The following LYRM9 variants were observed in gnomAD, a reference collection of about 807,000 sequenced individuals.
LYRM9 encodes the protein LYR motif containing 9.
Under a neutral mutation model 12.6 loss-of-function variants are expected in LYRM9, and 14 were observed. That is an observed-to-expected ratio of 1.11 (90% CI 0.73 to 1.73). The LOEUF is 1.73. LYRM9 is among the 40% of genes most tolerant of loss of function. LYRM9 has a pLI of 0.00. For missense variants in LYRM9, 94 were observed against 95.0 expected (o/e 0.99, Z 0.04); for synonymous variants, 42 against 35.1 (o/e 1.20, Z -0.69).
chr17:27,888,630 G>C (rs918729222), intron 1 of LYRM9, among the ~76,000 whole-genome samples: 1 of 152,234 alleles, frequency 6.6e-6, no homozygotes, highest in African/African-American at 2.4e-5. Flanking sequence ...AGAGAGAAGA[G>C]TGAGGAAGAT....
intron 1 of LYRM9, among the ~76,000 whole-genome samples, chr17:27,889,092 G>A (rs553080934): frequency 4.6e-5 from 7 of 152,120 alleles, no homozygotes; most frequent in East Asian, 1.9e-4. Context: ...CTCAACACAC[G>A]TACCTTTATT....
rs777928267 is a variant in LYRM9 at position 27,882,686 on chromosome 17, C to T, written c.9G>A (p.Pro3=). The change falls in exon 2 of 4, where the codon CCG becomes CCA. Residue 3 remains proline (P), a synonymous_variant. Transcript: ENST00000379102. MA[P]LPGAELVRRP... ...TCCGAACCAGTTCTGCTCCTGGCAGCGGGGCCATCCGTGAGACCCTCTGTC... is the reference window on the plus strand; with the variant it reads ...TCCGAACCAGTTCTGCTCCTGGCAGTGGGGCCATCCGTGAGACCCTCTGTC... The T allele has an allele frequency of 1.1e-5, 17 of 1,600,608 alleles. No homozygotes were observed. The highest frequency in any genetic ancestry group is 4.5e-5 in the East Asian group (2 of 44,380).
chr17:27,881,961 G>A (rs866996363), intron 2 of LYRM9, among the ~76,000 whole-genome samples: 7 of 152,144 alleles, frequency 4.6e-5, no homozygotes, highest in Middle Eastern at 6.8e-3. Context: ...GTCTTTCTAT[G>A]TTGCCCAGGT....
chr17:27,885,289 C>T (rs1475827752), intron 1 of LYRM9, among the ~76,000 whole-genome samples: 1 of 152,188 alleles, frequency 6.6e-6, no homozygotes, highest in Non-Finnish European at 1.5e-5. Flanking sequence ...TAGCTCCTTC[C>T]CACTAAACTT....
intron 1 of LYRM9, among the ~76,000 whole-genome samples, chr17:27,888,201 C>T (rs1295176099): frequency 1.3e-5 from 2 of 152,212 alleles, no homozygotes; most frequent in Admixed American, 6.5e-5. Context: ...CTCTCTGCTT[C>T]CTGAATACCT....
chr17:27,889,727 GAAACAGTCACACCCCAGGT>G (rs1905364596), intron 1 of LYRM9, among the ~76,000 whole-genome samples: 1 of 152,156 alleles, frequency 6.6e-6, no homozygotes, highest in South Asian at 2.1e-4. Flanking sequence ...TAAGAGCACA[GAAACAGTCACACCCCAGGT>G]AAACACAGGG....
rs1328642521 is a variant in LYRM9 at position 27,879,325 on chromosome 17, G to A, written c.*148C>T. On this transcript the variant is annotated 3_prime_UTR_variant, in exon 4 of 4. Coordinates refer to ENST00000379102, the MANE Select transcript of LYRM9 (RefSeq NM_001076680.3). ...GCTAGCAACATGGCCGCGGCAAGAGGAGCCTCTGGAGCAAGGTCAGCTTCT... is the reference window on the plus strand; with the variant it reads ...GCTAGCAACATGGCCGCGGCAAGAGAAGCCTCTGGAGCAAGGTCAGCTTCT... The A allele has an allele frequency of 1.4e-6, 1 of 738,164 alleles. No homozygotes were observed. The highest frequency in any genetic ancestry group is 2.0e-6 in the Non-Finnish European group (1 of 490,274). The allele number at this position is 738,164 out of a possible 1,614,324, so 45.7% of individuals were successfully genotyped here.
At chr17:27,884,854 C>T (rs565079970) in intron 1 of LYRM9, among the ~76,000 whole-genome samples, 42 of 151,294 alleles carry the variant, frequency 2.8e-4, no homozygotes, top group Admixed American at 7.9e-4. Flanking sequence ...CCTCCCCTCA[C>T]CTTGCAAAAA....
At chr17:27,890,408 G>C (rs373627254) in intron 1 of LYRM9, among the ~76,000 whole-genome samples, 13 of 151,976 alleles carry the variant, frequency 8.6e-5, no homozygotes, top group East Asian at 5.8e-4. Flanking sequence ...AAAATCAAAA[G>C]AAAGAAAGAG....
At chr17:27,879,647 T>A in intron 3 of LYRM9, 157 bp from the exon 4 acceptor site, 1 of 674,448 alleles carries the variant, frequency 1.5e-6, no homozygotes. Context: ...GGCAGCCAAA[T>A]CTCTAGTTCA....
intron 1 of LYRM9, among the ~76,000 whole-genome samples, chr17:27,889,318 T>C (rs573650826): frequency 1.4e-4 from 22 of 151,932 alleles, no homozygotes; most frequent in South Asian, 2.1e-4. Context: ...TTTCTTTTTT[T>C]TTTTTTGAGA....
Position 27,879,487 on chromosome 17 carries a change from T to C in LYRM9, c.223A>G (p.Lys75Glu), listed in dbSNP as rs1904964072. 1 of 1,552,170 alleles carries C rather than the reference T, an allele frequency of 6.4e-7. No homozygotes were observed. The highest frequency in any genetic ancestry group is 1.2e-5 in the South Asian group (1 of 84,060). Reference sequence around the variant, plus strand: ...CCTCGGAGCTCTCAGTTTTGTTTTTTATACTGCAAGACAGAGAGATTCGAA... The same window carrying C: ...CCTCGGAGCTCTCAGTTTTGTTTTTCATACTGCAAGACAGAGAGATTCGAA... Reference protein sequence around the residue: ...EDADWIMNKYKKQN With the variant: ...EDADWIMNKYEKQN Residue 75 changes from lysine (K) to glutamate (E), a missense_variant, in exon 4 of 4, where the codon AAA (lysine) becomes GAA (glutamate). Transcript: ENST00000379102.
intron 1 of LYRM9, among the ~76,000 whole-genome samples, chr17:27,890,649 G>C (rs950602892): frequency 6.6e-6 from 1 of 152,024 alleles, no homozygotes; most frequent in Non-Finnish European, 1.5e-5. Context: ...TCTATGTCCC[G>C]ATATAGGCAC....
intron 1 of LYRM9, among the ~76,000 whole-genome samples, chr17:27,884,564 C>T (rs1331401494): frequency 1.3e-5 from 2 of 152,234 alleles, no homozygotes; most frequent in African/African-American, 2.4e-5. Flanking sequence ...GAAGCCCTTC[C>T]TCACGGTCCC....
chr17:27,892,603 CAG>C (rs1483757691), intron 1 of LYRM9: 1 of 336,416 alleles, frequency 3.0e-6, no homozygotes, highest in African/African-American at 2.2e-5. Context: ...GGCAAAAGTA[CAG>C]AGACAGAAGT....
intron 1 of LYRM9, among the ~76,000 whole-genome samples, chr17:27,887,713 GGTGTGTGTGTGTGTGTGTGTGT>G (rs59760752): frequency 7.9e-4 from 69 of 86,830 alleles, no homozygotes; most frequent in African/African-American, 1.9e-3. Context: ...TAGGAGGGAG[GGTGTGTGTGTGTGTGTGTGTGT>G]GTGTGTGTGT....
At chr17:27,889,393 T>C (rs1237395012) in intron 1 of LYRM9, among the ~76,000 whole-genome samples, 1 of 151,876 alleles carries the variant, frequency 6.6e-6, no homozygotes, top group East Asian at 1.9e-4. Flanking sequence ...CTGCAACCTC[T>C]GCCTCCCGGG....
intron 1 of LYRM9, among the ~76,000 whole-genome samples, chr17:27,888,327 G>A (rs897242795): frequency 1.3e-5 from 2 of 152,150 alleles, no homozygotes; most frequent in African/African-American, 4.8e-5. Flanking sequence ...ATTACTCTAG[G>A]TCAGGCCTCT....
intron 1 of LYRM9, among the ~76,000 whole-genome samples, chr17:27,889,928 G>A (rs980238087): frequency 1.3e-5 from 2 of 152,058 alleles, no homozygotes; most frequent in African/African-American, 4.8e-5. Flanking sequence ...AAAGCCGATG[G>A]CTCCCATCCA....
Sources: allele counts gnomAD v4.1 joint callset (sites outside exome capture counted in the v4.1 genomes callset), GRCh38; gene constraint gnomAD v4.1.1; transcripts MANE v1.5; gene names NCBI Gene and HGNC (gene_info 2026-07-23, HGNC 2026-07-21).